Variants in PPP1R9A observed in about 807,000 individuals in gnomAD.
The protein encoded by PPP1R9A is neurabin-1.
Under a neutral mutation model 141.9 loss-of-function variants are expected in PPP1R9A, and 59 were observed. That is an observed-to-expected ratio of 0.42 (90% CI 0.34 to 0.52). The LOEUF (loss-of-function observed/expected upper bound fraction) is 0.52. PPP1R9A is among the 20% of genes least tolerant of loss of function. PPP1R9A has a pLI of 0.10. For synonymous variants in PPP1R9A, 500 were observed against 569.7 expected (o/e 0.88, Z 1.74); for missense variants, 1,444 against 1,611.9 (o/e 0.90, Z 1.78).
At chr7:95,061,168 A>G (rs1382338210) in intron 2 of PPP1R9A, among the ~76,000 whole-genome samples, 1 of 152,200 alleles carries the variant, frequency 6.6e-6, no homozygotes, top group African/African-American at 2.4e-5. Context: ...ATAATCAAAA[A>G]CAAAACACCT....
At chr7:95,100,232 C>A (rs1818583068) in intron 2 of PPP1R9A, among the ~76,000 whole-genome samples, 1 of 151,934 alleles carries the variant, frequency 6.6e-6, no homozygotes, top group African/African-American at 2.4e-5. Context: ...CCAGCCTGGG[C>A]AACATAGCAA....
chr7:94,975,339 G>C (rs535744389), intron 2 of PPP1R9A, among the ~76,000 whole-genome samples: 1 of 144,436 alleles, frequency 6.9e-6, no homozygotes, highest in East Asian at 2.0e-4. Flanking sequence ...CCTCTGGACA[G>C]GCTGTAGTTT....
chr7:94,940,450 A>T (rs1157075443), intron 2 of PPP1R9A, among the ~76,000 whole-genome samples: 1 of 151,652 alleles, frequency 6.6e-6, no homozygotes, highest in African/African-American at 2.4e-5. Flanking sequence ...ATTCCCAGTT[A>T]CTCTGAGAAT....
In PPP1R9A at chr7:95,286,252, C is replaced by T; in HGVS notation, c.3656C>T (p.Ala1219Val). 1 of 1,613,632 alleles carries T rather than the reference C, an allele frequency of 6.2e-7. No individual in the cohort carries two copies. The highest frequency in any genetic ancestry group is 8.5e-7 in the Non-Finnish European group (1 of 1,179,674). Residue 1219 changes from alanine (A) to valine (V), a missense_variant, in exon 18 of 20, where the codon GCA becomes GTA. By Grantham distance (64) the Ala-to-Val change is moderately conservative (BLOSUM62 0). Around this residue, in one of 5 missense-constraint regions of PPP1R9A, gnomAD observed 459 missense variants for 513.8 expected, o/e 0.89. Coordinates refer to ENST00000433360, the MANE Select transcript of PPP1R9A (RefSeq NM_001166160.2). ...DDFSPSSTSS[A>V]DLSGLGAEPK... ...TTCAGTCCCAGCAGTACCAGTTCAG[C>T]AGACCTCAGCGGCTTAGGAGCAGAA...
In PPP1R9A at chr7:95,291,531, G is replaced by A. The variant is rs576911716; in HGVS notation, c.*1228G>A. 2.0e-5 allele frequency: 3 copies of A among 152,298 alleles called. No homozygotes were observed. Among genetic ancestry groups the A allele is most frequent in the African/African-American group, 7.2e-5 (3 of 41,572 alleles). The allele number at this position is 152,298 out of a possible 1,614,324, so 9.4% of individuals were successfully genotyped here. On this transcript the variant is annotated 3_prime_UTR_variant, in exon 20 of 20. Transcript: ENST00000433360. Reference sequence around the variant, plus strand: ...GTGGAGGAACTTATACTAATTTTAAGCCAGCATTAAGGATTTCCATGTTTC... The same window carrying A: ...GTGGAGGAACTTATACTAATTTTAAACCAGCATTAAGGATTTCCATGTTTC...
chr7:95,197,971 T>C (rs542656462), intron 5 of PPP1R9A, among the ~76,000 whole-genome samples: 14 of 152,328 alleles, frequency 9.2e-5, no homozygotes, highest in Middle Eastern at 3.4e-3. Flanking sequence ...TTGAAGTAAT[T>C]TTTGTTATAG....
intron 2 of PPP1R9A, among the ~76,000 whole-genome samples, chr7:94,957,879 A>G (rs1157916314): frequency 6.6e-6 from 1 of 152,062 alleles, no homozygotes; most frequent in Non-Finnish European, 1.5e-5. Context: ...CTAACTAGTT[A>G]TGAGAAAGCA....
chr7:95,176,641 A>C (rs1832947074), intron 5 of PPP1R9A: 1 of 152,172 alleles, frequency 6.6e-6, no homozygotes, highest in Non-Finnish European at 1.5e-5. Flanking sequence ...GTGAAGGGAG[A>C]AACATTCAAT....
Position 94,910,063 on chromosome 7 carries a change from G to T in PPP1R9A, c.-51G>T, listed in dbSNP as rs1046947074. 2.2e-5 allele frequency: 34 copies of T among 1,524,082 alleles called. No homozygotes were observed. The highest frequency in any genetic ancestry group is 4.2e-5 in the Admixed American group (2 of 47,156). 94.4% of individuals were successfully genotyped at this position (1,524,082 alleles called of 1,614,324 possible). On this transcript the variant is annotated 5_prime_UTR_variant, in exon 2 of 20. Transcript: ENST00000433360. This position sits in a 1 kb window ranked among gnomAD's most constrained non-coding sequence, Gnocchi z 4.5. The stretch of plus-strand genomic sequence containing the variant: ...GAGAAGAGAGGTATCTTGGTTTTTG[G>T]TTTTTTTCTTTGATCATTATGAACA...
intron 2 of PPP1R9A, among the ~76,000 whole-genome samples, chr7:94,916,233 A>T (rs1474138858): frequency 6.6e-6 from 1 of 152,162 alleles, no homozygotes; most frequent in Non-Finnish European, 1.5e-5. Flanking sequence ...CCATCCCATT[A>T]GTTTTGTTTA....
chr7:95,226,403 A>G (rs930993271), intron 8 of PPP1R9A, among the ~76,000 whole-genome samples: 6 of 152,214 alleles, frequency 3.9e-5, no homozygotes. Flanking sequence ...TCAGTTTTAC[A>G]GAAGTTTTGG....
At chr7:95,043,120 C>T (rs1408855607) in intron 2 of PPP1R9A, among the ~76,000 whole-genome samples, 4 of 152,130 alleles carry the variant, frequency 2.6e-5, no homozygotes, top group African/African-American at 9.7e-5. Context: ...TTTAAACCTA[C>T]GTTATTCTTT....
At chr7:94,961,408 G>A (rs948119242) in intron 2 of PPP1R9A, among the ~76,000 whole-genome samples, 5 of 149,632 alleles carry the variant, frequency 3.3e-5, no homozygotes, top group African/African-American at 7.5e-5. Context: ...TCATTAATAA[G>A]TAAATAAAAA....
At chr7:94,948,449 G>A (rs573511867) in intron 2 of PPP1R9A, among the ~76,000 whole-genome samples, 120 of 152,178 alleles carry the variant, frequency 7.9e-4, no homozygotes, top group African/African-American at 2.8e-3. Context: ...TATCCTCTAA[G>A]TAGCTAGTGG....
At chr7:94,999,931 AGATGGGATTACAGGTGCCT>A (rs1802682838) in intron 2 of PPP1R9A, among the ~76,000 whole-genome samples, 1 of 151,986 alleles carries the variant, frequency 6.6e-6, no homozygotes, top group Admixed American at 6.6e-5. Flanking sequence ...CCTTCTGAGT[AGATGGGATTACAGGTGCCT>A]GCCACCACGC....
At chr7:94,977,058 C>T (rs1470508633) in intron 2 of PPP1R9A, among the ~76,000 whole-genome samples, 7 of 151,772 alleles carry the variant, frequency 4.6e-5, no homozygotes, top group Admixed American at 4.6e-4. Context: ...CAGCTAGAAT[C>T]CTGTAATTGC....
Position 95,120,712 on chromosome 7 carries a change from A to T in PPP1R9A, c.1529A>T (p.Asp510Val), listed in dbSNP as rs1822419094. The change falls in exon 4 of 20, where the codon GAT (aspartate) becomes GTT (valine). Residue 510 changes from aspartate to valine, a missense_variant and splice_region_variant. By Grantham distance (152) the Asp-to-Val change is radical. Transcript: ENST00000433360. Reference protein sequence around the residue: ...LELFPVELEKDEDGLGISIIG... With the variant: ...LELFPVELEKVEDGLGISIIG... Reference sequence around the variant, plus strand: ...TCCCCCCTTTTTTTCTTTTTAATAGATGAGGATGGTCTTGGTATAAGTATT... The same window carrying T: ...TCCCCCCTTTTTTTCTTTTTAATAGTTGAGGATGGTCTTGGTATAAGTATT... 1 of 1,610,152 alleles carries T rather than the reference A, an allele frequency of 6.2e-7. No individual in the cohort carries two copies. Among genetic ancestry groups the T allele is most frequent in the Admixed American group, 1.7e-5 (1 of 59,452 alleles).
chr7:95,097,846 C>T (rs1042409211), intron 2 of PPP1R9A, among the ~76,000 whole-genome samples: 4 of 152,152 alleles, frequency 2.6e-5, no homozygotes, highest in African/African-American at 9.7e-5. Flanking sequence ...CAAAGAAGCA[C>T]CGCCAGTAGA....
intron 2 of PPP1R9A, among the ~76,000 whole-genome samples, chr7:95,047,014 C>T (rs113430408): frequency 2.0e-5 from 3 of 152,276 alleles, no homozygotes; most frequent in African/African-American, 7.2e-5. Flanking sequence ...GTGCTGGGCT[C>T]TCTCCTGGAT....
Sources: allele counts gnomAD v4.1 joint callset (sites outside exome capture counted in the v4.1 genomes callset), GRCh38; gene constraint gnomAD v4.1.1; regional missense constraint gnomAD v4.1.1; non-coding constraint Gnocchi (gnomAD v3.1); transcripts MANE v1.5; gene names NCBI Gene and HGNC (gene_info 2026-07-23, HGNC 2026-07-21).